Variants in TPRA1 observed in about 807,000 individuals in gnomAD.
TPRA1 encodes transmembrane protein adipocyte-associated 1.
A neutral mutation model predicts 40.1 loss-of-function variants in TPRA1; 28 were observed. The ratio of observed to expected loss-of-function variants is 0.70; its 90% CI spans 0.52 to 0.96. The LOEUF is 0.96. TPRA1 is among the 40% of genes least tolerant of loss of function. TPRA1 has a pLI of 0.00. For synonymous variants in TPRA1, 219 were observed against 209.7 expected (o/e 1.04, Z -0.38); for missense variants, 441 against 482.6 (o/e 0.91, Z 0.81).
At chr3:127,593,130 AGGT>A (rs2074205963), upstream of TPRA1, among the ~76,000 whole-genome samples, 1 of 152,242 alleles carries the variant, frequency 6.6e-6, no homozygotes, top group South Asian at 2.1e-4. Context: ...AAATAACCAA[AGGT>A]ATCTGCCTTT....
chr3:127,573,457 C>T lies in TPRA1; in HGVS notation c.*64G>A. On this transcript the variant is annotated 3_prime_UTR_variant, in exon 11 of 11. Coordinates refer to ENST00000355552, the MANE Select transcript of TPRA1 (RefSeq NM_001136053.4). ...CGTCCCTTGACCTGGTCCTCCTCCC[C>T]TGGGGACTCTGGGCCTGCTGGCCTC... is the stretch of plus-strand genomic sequence containing the variant. 1.3e-6 allele frequency: 2 copies of T among 1,546,388 alleles called. No homozygotes were observed. Among genetic ancestry groups the T allele is most frequent in the Non-Finnish European group, 8.7e-7 (1 of 1,147,280 alleles).
At chr3:127,575,115 C>T in intron 10 of TPRA1, 70 bp downstream of exon 10, 1 of 1,537,884 alleles carries the variant, frequency 6.5e-7, no homozygotes, top group Non-Finnish European at 9.0e-7. Context: ...CTTCAATCCT[C>T]ACACCCATGC....
chr3:127,596,261 TAG>T (rs1294092721), intron 1 of TPRA1, among the ~76,000 whole-genome samples: 3 of 152,180 alleles, frequency 2.0e-5, no homozygotes, highest in Admixed American at 6.5e-5. Context: ...GGATTTTTAA[TAG>T]AGACAGGGTT....
At chr3:127,594,540 C>T (rs1420051374), upstream of TPRA1, among the ~76,000 whole-genome samples, 4 of 152,314 alleles carry the variant, frequency 2.6e-5, no homozygotes, top group African/African-American at 7.2e-5. Context: ...GACTAGGGGA[C>T]ATCAAGTGAC....
In TPRA1 at chr3:127,572,228, C is replaced by G. The variant is rs75529706; in HGVS notation, c.*1293G>C. Among the ~76,000 whole-genome samples, 3 of 152,052 alleles carry G rather than the reference C, an allele frequency of 2.0e-5. No individual in the cohort carries two copies. The highest frequency in any genetic ancestry group is 4.8e-5 in the African/African-American group (2 of 41,424). On this transcript the variant is annotated 3_prime_UTR_variant, in exon 11 of 11. Coordinates refer to ENST00000355552, the MANE Select transcript of TPRA1 (RefSeq NM_001136053.4). ...TTGTGCCCTCGGCACCCCATTCCCC[C>G]CTAAAAAAAAAAGGCTGATCGCGGA... is the stretch of plus-strand genomic sequence containing the variant.
In TPRA1 at chr3:127,575,196, C is replaced by G; in HGVS notation, c.843G>C (p.Arg281=). 2 of 1,613,906 alleles carry G rather than the reference C, an allele frequency of 1.2e-6. 1 individual carries two copies. Among genetic ancestry groups the G allele is most frequent in the South Asian group, 2.2e-5 (2 of 91,084 alleles). The change falls in exon 10 of 11, where the codon CGG becomes CGC. Residue 281 remains arginine, a synonymous_variant. Transcript: ENST00000355552. ...GGCCACAGACTCACCCGAAGAAGCC[C>G]CGGAGGAAAGCCACGTAGATGAGCG... ...FAPLIYVAFL[R]GFFGSEPKIL...
chr3:127,580,170 G>T lies in TPRA1; in HGVS notation c.-17-7C>A. Reference sequence around the variant, plus strand: ...ATCCCGCCAGCAGCCAGCCCTGGGGGAGTGAGAGCCGCCCAGTGAGCTGTG... The same window carrying T: ...ATCCCGCCAGCAGCCAGCCCTGGGGTAGTGAGAGCCGCCCAGTGAGCTGTG... On this transcript the variant is annotated splice_region_variant and splice_polypyrimidine_tract_variant and intron_variant, in intron 1 of 10. Coordinates refer to ENST00000355552, the MANE Select transcript of TPRA1 (RefSeq NM_001136053.4). 6.2e-7 allele frequency: 1 copy of T among 1,608,212 alleles called. No individual in the cohort carries two copies. Among genetic ancestry groups the T allele is most frequent in the Non-Finnish European group, 8.5e-7 (1 of 1,179,262 alleles).
Position 127,580,193 on chromosome 3 carries a change from G to A in TPRA1, c.-17-30C>T, listed in dbSNP as rs994737006. The A allele has an allele frequency of 3.8e-6, 6 of 1,596,446 alleles. No individual in the cohort carries two copies. The African/African-American group carries it at 8.0e-5, about 21-fold the overall frequency. ...GGGAGTGAGAGCCGCCCAGTGAGCT[G>A]TGTGGCCTGGGCCACTGTCCTCCTT... On this transcript the variant is annotated intron_variant, in intron 1 of 10. Transcript: ENST00000355552.
intron 10 of TPRA1, among the ~76,000 whole-genome samples, chr3:127,574,288 C>G (rs2073491465): frequency 6.6e-6 from 1 of 152,226 alleles, no homozygotes; most frequent in Admixed American, 6.5e-5. Context: ...AAGATCCAAG[C>G]TGGGGCCATG....
At chr3:127,584,447 TAAAAA>T (rs1163065087) in intron 1 of TPRA1, among the ~76,000 whole-genome samples, 41 of 20,856 alleles carry the variant, frequency 2.0e-3, no homozygotes, top group African/African-American at 7.5e-3. Context: ...AGACCCTGTC[TAAAAA>T]AAAAAAAAAA....
At chr3:127,578,407 G>C (rs1475195637) in intron 3 of TPRA1, among the ~76,000 whole-genome samples, 2 of 152,214 alleles carry the variant, frequency 1.3e-5, no homozygotes, top group Non-Finnish European at 2.9e-5. Context: ...CTGGGGTTCA[G>C]AGCTGGACTT....
rs1313968588 is a variant in TPRA1, at chr3:127,571,549, C to T, written c.*1972G>A. The T allele has an allele frequency of 6.6e-6, 1 of 152,198 alleles. No homozygotes were observed. Among genetic ancestry groups the T allele is most frequent in the Non-Finnish European group, 1.5e-5 (1 of 68,038 alleles). The allele number at this position is 152,198 out of a possible 1,614,324, so 9.4% of individuals were successfully genotyped here. A position where few individuals can be genotyped will look rare whatever the true frequency, so the allele number is the denominator to read the frequency against. ...TTGCCATATATCCATATATATGTAG[C>T]TGCAGGGGTGAAGCAGTCCTCCACT... On this transcript the variant is annotated 3_prime_UTR_variant, in exon 11 of 11. Transcript: ENST00000355552.
chr3:127,571,875 C>T lies in TPRA1; in HGVS notation c.*1646G>A, dbSNP rs2073386749. 1 of 151,224 alleles carries T rather than the reference C, an allele frequency of 6.6e-6. No homozygotes were observed. Among genetic ancestry groups the T allele is most frequent in the African/African-American group, 2.4e-5 (1 of 41,376 alleles). The allele number at this position is 151,224 out of a possible 1,614,324, so 9.4% of individuals were successfully genotyped here. A position where few individuals can be genotyped will look rare whatever the true frequency, so the allele number is the denominator to read the frequency against. On this transcript the variant is annotated 3_prime_UTR_variant, in exon 11 of 11. Coordinates refer to ENST00000355552, the MANE Select transcript of TPRA1 (RefSeq NM_001136053.4). The stretch of plus-strand genomic sequence containing the variant: ...ATGGTCTCTTTTCTTCTGTTGATGC[C>T]TCTCTGCTCATTCACTGCAGCCAGC...
rs2073411805 is a variant in TPRA1 at position 127,572,742 on chromosome 3, C to G, written c.*779G>C. ...TACAGATGGCAATAGTAAGTCCATT[C>G]TGCGTTTTAATGGAGCTGAGCAGAG... is the stretch of plus-strand genomic sequence containing the variant. On this transcript the variant is annotated 3_prime_UTR_variant, in exon 11 of 11. Transcript: ENST00000355552. Among the ~76,000 whole-genome samples the G allele has an allele frequency of 6.6e-6, 1 of 152,212 alleles. No individual in the cohort carries two copies. Among genetic ancestry groups the G allele is most frequent in the East Asian group, 1.9e-4 (1 of 5,190 alleles).
intron 1 of TPRA1, among the ~76,000 whole-genome samples, chr3:127,584,675 G>A (rs996076511): frequency 1.3e-5 from 2 of 151,994 alleles, no homozygotes; most frequent in Non-Finnish European, 2.9e-5. Flanking sequence ...AACTGGGTGT[G>A]GCCATGTGGC....
chr3:127,586,680 C>G (rs1347388917), intron 1 of TPRA1, among the ~76,000 whole-genome samples: 3 of 152,192 alleles, frequency 2.0e-5, no homozygotes, highest in Admixed American at 1.3e-4. Flanking sequence ...TATTATAAAG[C>G]CAAGCCAGGC....
At chr3:127,580,791 G>A (rs2073807622) in intron 1 of TPRA1, among the ~76,000 whole-genome samples, 1 of 152,270 alleles carries the variant, frequency 6.6e-6, no homozygotes, top group Non-Finnish European at 1.5e-5. Flanking sequence ...TGCCACCACA[G>A]ACAAAGATGG....
chr3:127,582,927 T>C (rs2073878101), intron 1 of TPRA1, among the ~76,000 whole-genome samples: 1 of 152,074 alleles, frequency 6.6e-6, no homozygotes, highest in Non-Finnish European at 1.5e-5. Flanking sequence ...GTGGATCACC[T>C]GAGGTCAGGA....
Position 127,586,163 on chromosome 3 carries a change from C to A in TPRA1, c.-18+4247G>T, listed in dbSNP as rs548178155. On this transcript the variant is annotated intron_variant, in intron 1 of 10. Transcript: ENST00000355552. ...GTGTCCAGAACTGTCTTCCTGCACC[C>A]CTGGAGGACTGGGCCACCACGCTGA... 4.4e-4 allele frequency among the ~76,000 whole-genome samples: 67 copies of A among 152,260 alleles called. No individual in the cohort carries two copies. In the South Asian group the frequency reaches 5.4e-3, roughly 12 times the overall value.
Sources: gnomAD v4.1 joint callset for allele counts (sites outside exome capture counted in the v4.1 genomes callset) on GRCh38, gnomAD v4.1.1 for gene constraint, MANE v1.5 for transcripts, NCBI Gene and HGNC (gene_info 2026-07-23, HGNC 2026-07-21) for gene names.